DNAH8: variants seen among roughly 807,000 people sequenced by gnomAD.
DNAH8 encodes the protein axonemal beta dynein heavy chain 8.
DNAH8 carries 382 observed loss-of-function variants against 562.1 expected under a neutral mutation model. The observed-to-expected ratio is 0.68, with a 90% CI of 0.63 to 0.74. The LOEUF is 0.74. Ranked by LOEUF, DNAH8 falls within the 30% of genes least tolerant of loss-of-function variation. The pLI is 0.00. For missense variants in DNAH8, 5,203 were observed against 5,620.4 expected (o/e 0.93, Z 2.37); for synonymous variants, 1,881 against 1,919.4 (o/e 0.98, Z 0.52).
chr6:38,780,515 A>T (rs1048178416), intron 15 of DNAH8, among the ~76,000 whole-genome samples: 1 of 152,210 alleles, frequency 6.6e-6, no homozygotes, highest in Non-Finnish European at 1.5e-5. Flanking sequence ...CCAAAAAAAA[A>T]ATGAATGAGA....
At chr6:38,746,340 G>C (rs1274194269) in intron 8 of DNAH8, among the ~76,000 whole-genome samples, 2 of 151,986 alleles carry the variant, frequency 1.3e-5, no homozygotes, top group Non-Finnish European at 1.5e-5. Context: ...CCCTTACTCT[G>C]TTTGGACCAC....
intron 9 of DNAH8, 71 bp from the exon 10 acceptor site, chr6:38,755,900 GA>G: frequency 3.4e-6 from 3 of 883,748 alleles, no homozygotes; most frequent in South Asian, 2.9e-5. Flanking sequence ...TTAGAGTTTT[GA>G]GTATTATAGA....
chr6:38,722,661 A>G, intron 1 of DNAH8, 115 bp from the exon 2 acceptor site: 1 of 852,952 alleles, frequency 1.2e-6, no homozygotes, highest in Non-Finnish European at 1.7e-6. Context: ...TCCTTAGATA[A>G]TATGGCAAGG....
At chr6:38,729,410 A>G (rs945333344) in intron 3 of DNAH8, among the ~76,000 whole-genome samples, 12 of 152,198 alleles carry the variant, frequency 7.9e-5, no homozygotes, top group African/African-American at 2.7e-4. Context: ...TTGAATAAAA[A>G]CTTCATGCTC....
intron 21 of DNAH8, among the ~76,000 whole-genome samples, chr6:38,793,267 C>T (rs914503104): frequency 1.3e-5 from 2 of 152,148 alleles, no homozygotes; most frequent in African/African-American, 4.8e-5. Flanking sequence ...GATTCTCCTA[C>T]CTCATCCTCC....
At chr6:38,864,875 A>G (rs896363361) in intron 45 of DNAH8, among the ~76,000 whole-genome samples, 3 of 152,218 alleles carry the variant, frequency 2.0e-5, no homozygotes, top group African/African-American at 7.2e-5. Context: ...CCAGTAAGAG[A>G]AAGAAGAAGT....
At chr6:38,729,442 T>C (rs1409649178) in intron 3 of DNAH8, among the ~76,000 whole-genome samples, 1 of 152,228 alleles carries the variant, frequency 6.6e-6, no homozygotes, top group Non-Finnish European at 1.5e-5. Flanking sequence ...AGAATCTCAG[T>C]ATGATAATGT....
At chr6:38,945,244 A>T (rs1761292901) in intron 79 of DNAH8, among the ~76,000 whole-genome samples, 1 of 152,232 alleles carries the variant, frequency 6.6e-6, no homozygotes, top group South Asian at 2.1e-4. Context: ...AAAATGACAG[A>T]GTTGTTATTT....
chr6:38,818,858 C>A (rs1480914821), intron 26 of DNAH8, among the ~76,000 whole-genome samples: 3 of 152,218 alleles, frequency 2.0e-5, no homozygotes, highest in Admixed American at 2.0e-4. Flanking sequence ...TCTGGGTCAG[C>A]TGAGGAAACT....
Position 38,957,084 on chromosome 6 carries a change from G to A in DNAH8, c.12451+5564G>A, listed in dbSNP as rs570227009. On this transcript the variant is annotated intron_variant, in intron 82 of 92. Transcript: ENST00000327475. ...GGATACACACAGACTGAAAATGAAG[G>A]ATGGAAAAGATATTCTATGCAAATG... Among the ~76,000 whole-genome samples the A allele has an allele frequency of 2.0e-3, 297 of 152,206 alleles. 5 individuals carry two copies. Among genetic ancestry groups the A allele is most frequent in the Non-Finnish European group, 7.1e-4 (48 of 68,004 alleles).
chr6:38,946,941 T>C (rs1225999672), intron 80 of DNAH8, among the ~76,000 whole-genome samples: 1 of 152,136 alleles, frequency 6.6e-6, no homozygotes, highest in East Asian at 1.9e-4. Context: ...TACAAGGATA[T>C]TTATTATTGT....
intron 21 of DNAH8, among the ~76,000 whole-genome samples, chr6:38,802,305 C>T (rs12210346): frequency 0.21 from 31,532 of 151,256 alleles, 3,652 homozygotes; most frequent in Middle Eastern, 0.27. Context: ...AGTGCAGTGG[C>T]GCGATCATGG....
chr6:39,021,710 G>A (rs1766928898), intron 91 of DNAH8, among the ~76,000 whole-genome samples: 1 of 152,224 alleles, frequency 6.6e-6, no homozygotes, highest in South Asian at 2.1e-4. Context: ...CTTCAAAGAT[G>A]CTGCTGGGAA....
At position 38,921,264 on chromosome 6, in the gene DNAH8, G is replaced by A. The variant is rs113271916; in HGVS notation, c.10525-105G>A. The A allele has an allele frequency of 3.9e-3, 5,311 of 1,346,050 alleles. 69 individuals are homozygous for A. Among genetic ancestry groups the A allele is most frequent in the African/African-American group, 0.038 (2,588 of 67,754 alleles). 83.4% of individuals were successfully genotyped at this position (1,346,050 alleles called of 1,614,324 possible). A position where few individuals can be genotyped will look rare whatever the true frequency, so the allele number is the denominator to read the frequency against. The stretch of plus-strand genomic sequence containing the variant: ...TGAAGACACGGAAACAGATGTGCTC[G>A]AAAGTCCCGTCTAGTGCAGAAATTA... On this transcript the variant is annotated intron_variant, in intron 70 of 92. Coordinates refer to ENST00000327475, the MANE Select transcript of DNAH8 (RefSeq NM_001206927.2).
chr6:38,836,766 G>A (rs1583144835), intron 32 of DNAH8, among the ~76,000 whole-genome samples: 1 of 151,998 alleles, frequency 6.6e-6, no homozygotes, highest in African/African-American at 2.4e-5. Flanking sequence ...GGGTCCTGAT[G>A]GTGCTCTCTC....
At chr6:38,952,970 C>T (rs545169638) in intron 82 of DNAH8, 1 of 152,354 alleles carries the variant, frequency 6.6e-6, no homozygotes, top group East Asian at 1.9e-4. Flanking sequence ...ATCTGTTGCT[C>T]TATGAGTGTT....
At chr6:38,888,559 C>T (rs1182711626) in intron 57 of DNAH8, among the ~76,000 whole-genome samples, 3 of 151,996 alleles carry the variant, frequency 2.0e-5, no homozygotes, top group Non-Finnish European at 2.9e-5. Context: ...AAGGAAACAA[C>T]CTGATATAAA....
intron 61 of DNAH8, 125 bp from the exon 62 acceptor site, chr6:38,899,651 C>A: frequency 1.0e-6 from 1 of 989,540 alleles, no homozygotes; most frequent in Non-Finnish European, 1.5e-6. Context: ...TGTCATAGAC[C>A]ATTAACGAGG....
intron 43 of DNAH8, among the ~76,000 whole-genome samples, chr6:38,861,838 G>C (rs2150409206): frequency 6.6e-6 from 1 of 152,212 alleles, no homozygotes; most frequent in East Asian, 1.9e-4. Flanking sequence ...AGCCTTACCT[G>C]GTTTCTGTCT....
Sources: gnomAD v4.1 joint callset for allele counts (sites outside exome capture counted in the v4.1 genomes callset) on GRCh38, gnomAD v4.1.1 for gene constraint, MANE v1.5 for transcripts, NCBI Gene and HGNC (gene_info 2026-07-23, HGNC 2026-07-21) for gene names.